Variants in RAI14 observed in about 807,000 individuals in gnomAD.
The protein encoded by RAI14 is retinoic acid induced 14.
Under a neutral mutation model 115.4 loss-of-function variants are expected in RAI14, and 45 were observed. That is an observed-to-expected ratio of 0.39 (90% CI 0.31 to 0.50). The LOEUF (loss-of-function observed/expected upper bound fraction) is 0.50, where lower values mean the gene tolerates loss of function less well. Ranked by LOEUF, RAI14 falls within the 20% of genes least tolerant of loss-of-function variation. The pLI is 0.85. For synonymous variants in RAI14, 371 were observed against 415.4 expected (o/e 0.89, Z 1.30); for missense variants, 939 against 1,131.2 (o/e 0.83, Z 2.44).
At chr5:34,828,756 C>T (rs888739213) in intron 16 of RAI14, among the ~76,000 whole-genome samples, 1 of 152,038 alleles carries the variant, frequency 6.6e-6, no homozygotes, top group Non-Finnish European at 1.5e-5. Context: ...AATAGCTCAA[C>T]AAGGAGAAAT....
intron 2 of RAI14, chr5:34,687,419 A>G: frequency 2.0e-6 from 1 of 504,854 alleles, no homozygotes; most frequent in Non-Finnish European, 3.1e-6. Flanking sequence ...AATGGTATCT[A>G]CTGCTGCCCG....
In RAI14 at chr5:34,757,609, A is replaced by G; in HGVS notation, c.167+11A>G. 6.2e-7 allele frequency: 1 copy of G among 1,600,688 alleles called. No individual in the cohort carries two copies. The highest frequency in any genetic ancestry group is 8.5e-7 in the Non-Finnish European group (1 of 1,172,290). ...TGAGGGCAAGACCGCGTAAGCTGAA[A>G]CACTGGTTTGCAGATATGCTGGTTC... On this transcript the variant is annotated intron_variant, in intron 3 of 17. Transcript: ENST00000265109.
At chr5:34,716,151 T>C (rs1042684036) in intron 2 of RAI14, 22 of 419,202 alleles carry the variant, frequency 5.2e-5, no homozygotes, top group African/African-American at 3.1e-4. Context: ...AGGCAAATAT[T>C]CGGTATTATA....
chr5:34,676,490 G>A (rs375148106), intron 1 of RAI14, among the ~76,000 whole-genome samples: 9 of 152,322 alleles, frequency 5.9e-5, no homozygotes, highest in African/African-American at 2.2e-4. Context: ...ATTAAGCCAT[G>A]CTTTTTAAAT....
At chr5:34,743,684 C>T (rs1376971653) in intron 2 of RAI14, among the ~76,000 whole-genome samples, 1 of 152,146 alleles carries the variant, frequency 6.6e-6, no homozygotes, top group Non-Finnish European at 1.5e-5. Flanking sequence ...TCTTAGTGTT[C>T]AAACAAGAAA....
intron 3 of RAI14, among the ~76,000 whole-genome samples, chr5:34,777,891 A>C (rs938337329): frequency 1.3e-5 from 2 of 152,024 alleles, no homozygotes; most frequent in African/African-American, 2.4e-5. Flanking sequence ...GTGGATAAAG[A>C]GAGTAGAAAC....
intron 2 of RAI14, among the ~76,000 whole-genome samples, chr5:34,706,897 G>A (rs950961729): frequency 2.6e-5 from 4 of 152,114 alleles, no homozygotes; most frequent in African/African-American, 9.7e-5. Context: ...TTAACAAGAG[G>A]CAATAACTGA....
At chr5:34,800,706 C>T (rs1300853630) in intron 4 of RAI14, among the ~76,000 whole-genome samples, 1 of 152,210 alleles carries the variant, frequency 6.6e-6, no homozygotes, top group African/African-American at 2.4e-5. Flanking sequence ...AGAAACCCGG[C>T]ACTTCCAGGT....
Position 34,818,817 on chromosome 5 carries a change from A to G in RAI14, c.960A>G (p.Arg320=), listed in dbSNP as rs1009171378. The change falls in exon 13 of 18, where the codon CGA becomes CGG. Residue 320 remains arginine, a synonymous_variant. Transcript: ENST00000265109. ...PPFKAEISSI[R]ENKDRLSDST... ...AATAGGCTGAGATCAGTTCTATACG[A>G]GAAAACAAAGACAGACTAAGTGACA... The G allele has an allele frequency of 1.2e-6, 2 of 1,612,152 alleles. No individual in the cohort carries two copies. Among genetic ancestry groups the G allele is most frequent in the Non-Finnish European group, 1.7e-6 (2 of 1,179,110 alleles).
intron 2 of RAI14, among the ~76,000 whole-genome samples, chr5:34,743,938 T>C (rs1745849566): frequency 6.6e-6 from 1 of 152,246 alleles, no homozygotes; most frequent in Non-Finnish European, 1.5e-5. Flanking sequence ...GTAAAGGGCA[T>C]GATCAGGACA....
intron 12 of RAI14, 45 bp from the exon 13 acceptor site, chr5:34,818,752 G>A (rs906621263): frequency 2.0e-6 from 3 of 1,513,254 alleles, no homozygotes; most frequent in African/African-American, 1.4e-5. Flanking sequence ...TTTGTGTAAT[G>A]TTACATTTAG....
intron 2 of RAI14, among the ~76,000 whole-genome samples, chr5:34,748,781 G>A (rs1292787653): frequency 1.3e-5 from 2 of 150,458 alleles, no homozygotes; most frequent in East Asian, 2.0e-4. Context: ...GGGCAACCTA[G>A]GGAGACTCCG....
intron 1 of RAI14, among the ~76,000 whole-genome samples, chr5:34,670,173 C>T (rs1012201842): frequency 6.6e-6 from 1 of 152,174 alleles, no homozygotes; most frequent in Non-Finnish European, 1.5e-5. Flanking sequence ...GGACTCGTTC[C>T]GTCTTTGAAG....
Position 34,799,366 on chromosome 5 carries a change from A to C in RAI14, c.256+3339A>C, listed in dbSNP as rs567222820. 2.0e-4 allele frequency among the ~76,000 whole-genome samples: 30 copies of C among 152,218 alleles called. 1 individual carries two copies. Among genetic ancestry groups the C allele is most frequent in the Non-Finnish European group, 2.5e-4 (17 of 68,020 alleles). ...GTCTTTCCATGTGGAACCTACCTTA[A>C]GTTTTGCCACTTTATTACTGAGATG... is the stretch of plus-strand genomic sequence containing the variant. On this transcript the variant is annotated intron_variant, in intron 4 of 17. Transcript: ENST00000265109.
At chr5:34,713,031 A>G (rs533112244) in intron 2 of RAI14, among the ~76,000 whole-genome samples, 15 of 152,276 alleles carry the variant, frequency 9.9e-5, no homozygotes, top group African/African-American at 3.4e-4. Context: ...TTGTCCTTGA[A>G]TTCTGAAAAC....
rs869073370 is a variant in RAI14, at chr5:34,665,031, ATGTATATATATGTGTATATATATG to A, written c.-49+8626_-49+8649del. Among the ~76,000 whole-genome samples the A allele has an allele frequency of 3.8e-4, 12 of 31,426 alleles. 3 individuals carry two copies. The highest frequency in any genetic ancestry group is 4.7e-4 in the Non-Finnish European group (6 of 12,894). The allele number at this position is 31,426 out of a possible 152,430, so 20.6% of individuals were successfully genotyped here. On this transcript the variant is annotated intron_variant, in intron 1 of 17. Coordinates refer to ENST00000265109, the MANE Select transcript of RAI14 (RefSeq NM_015577.3). ...TATATATATATATGTGTATATATAT[ATGTATATATATGTGTATATATATG>A]TGTATATATATGTGTATATATATGT...
rs774663573 is a variant in RAI14 at position 34,823,731 on chromosome 5, T to G, written c.1889T>G (p.Met630Arg). 90 of 1,613,882 alleles carry G rather than the reference T, an allele frequency of 5.6e-5. No homozygotes were observed. Among genetic ancestry groups the G allele is most frequent in the Non-Finnish European group, 7.5e-5 (89 of 1,180,024 alleles). Reference sequence around the variant, plus strand: ...GAAGCCAGTGATGAAGCTGAGGACATGAAAGAAGCCATGAATAGGATGATA... The same window carrying G: ...GAAGCCAGTGATGAAGCTGAGGACAGGAAAGAAGCCATGAATAGGATGATA... Reference protein sequence around the residue: ...TQEASDEAEDMKEAMNRMIDE... With the variant: ...TQEASDEAEDRKEAMNRMIDE... Residue 630 changes from methionine (M) to arginine (R), a missense_variant, in exon 15 of 18, where the codon ATG becomes AGG. Physicochemically the swap from Met to Arg is moderately conservative, Grantham distance 91. Transcript: ENST00000265109. The surrounding 1 kb of genome is among the most constrained non-coding windows in gnomAD (Gnocchi z 4.5).
intron 2 of RAI14, among the ~76,000 whole-genome samples, chr5:34,716,530 G>A (rs1314424971): frequency 9.2e-5 from 14 of 151,686 alleles, no homozygotes; most frequent in African/African-American, 2.4e-4. Context: ...CTCCTGCCAC[G>A]GCCTCCCAAG....
chr5:34,744,893 T>C (rs1745971356), intron 2 of RAI14, among the ~76,000 whole-genome samples: 1 of 152,214 alleles, frequency 6.6e-6, no homozygotes, highest in Non-Finnish European at 1.5e-5. Context: ...TCCTTGCCTC[T>C]TCTAGCTCCT....
Sources: gnomAD v4.1 joint callset for allele counts (sites outside exome capture counted in the v4.1 genomes callset) on GRCh38, gnomAD v4.1.1 for gene constraint, Gnocchi (gnomAD v3.1) non-coding constraint, MANE v1.5 for transcripts, NCBI Gene and HGNC (gene_info 2026-07-23, HGNC 2026-07-21) for gene names.